Variants in ACOX1 observed in about 807,000 individuals in gnomAD.
ACOX1 encodes the protein acyl-CoA oxidase 1, also known as peroxisomal acyl-coenzyme A oxidase 1.
In ACOX1, 41 loss-of-function variants were observed where a neutral mutation model predicts 75.5. The observed-to-expected ratio is 0.54, with a 90% CI of 0.42 to 0.70. The LOEUF is 0.70. Ranked by LOEUF, ACOX1 falls within the 30% of genes least tolerant of loss-of-function variation. ACOX1 has a pLI of 0.00. For missense variants in ACOX1, 630 were observed against 837.5 expected (o/e 0.75, Z 3.06); for synonymous variants, 303 against 298.8 (o/e 1.01, Z -0.15).
chr17:75,976,697 C>A (rs1334986773), intron 2 of ACOX1, among the ~76,000 whole-genome samples: 1 of 152,156 alleles, frequency 6.6e-6, no homozygotes, highest in Non-Finnish European at 1.5e-5. Flanking sequence ...TAAACCATTT[C>A]ATCTTCACAA....
In ACOX1 at chr17:75,973,388, T is replaced by C. The variant is rs1022514927; in HGVS notation, c.269+5146A>G. 16 of 556,976 alleles carry C rather than the reference T, an allele frequency of 2.9e-5. No homozygotes were observed. In the East Asian group the frequency reaches 5.0e-4, roughly 17 times the overall value. The allele number at this position is 556,976 out of a possible 1,614,324, so 34.5% of individuals were successfully genotyped here. On this transcript the variant is annotated intron_variant, in intron 2 of 13. Transcript: ENST00000293217. ...CCGCTGCACTGTAAACCCCATCTTT[T>C]CAAGCTGTTCAATAATAAAAGGCTT... is the stretch of plus-strand genomic sequence containing the variant.
In ACOX1 at chr17:75,953,600, G is replaced by A. The variant is rs761511141; in HGVS notation, c.795C>T (p.Tyr265=). 6.2e-6 allele frequency: 10 copies of A among 1,614,160 alleles called. No individual in the cohort carries two copies. The South Asian group carries it at 6.6e-5, about 11-fold the overall frequency. ...KYAQVKPDGT[Y]VKPLSNKLTY... ...TCAGCTTGTTACTCAGCGGTTTCAC[G>A]TATGTGCCATCAGGCTTCACCTGGA... Residue 265 remains tyrosine, a synonymous_variant, in exon 7 of 14, where the codon TAC becomes TAT. Transcript: ENST00000293217.
intron 13 of ACOX1, among the ~76,000 whole-genome samples, chr17:75,947,105 A>G (rs564517305): frequency 7.9e-5 from 12 of 152,066 alleles, no homozygotes; most frequent in African/African-American, 2.9e-4. Flanking sequence ...CCTCAATTCA[A>G]GTGATCCACC....
At chr17:75,957,704 C>A in intron 3 of ACOX1, 138 bp from the exon 4 acceptor site, 1 of 649,942 alleles carries the variant, frequency 1.5e-6, no homozygotes, top group Non-Finnish European at 2.7e-6. Context: ...TGTAGATGAG[C>A]TACAACTGGT....
At chr17:75,955,240 G>A (rs2065813256) in intron 6 of ACOX1, among the ~76,000 whole-genome samples, 1 of 151,654 alleles carries the variant, frequency 6.6e-6, no homozygotes, top group Non-Finnish European at 1.5e-5. Context: ...ACAGCTCACT[G>A]TAGCCTCGGC....
intron 3 of ACOX1, among the ~76,000 whole-genome samples, chr17:75,958,773 A>G (rs572399232): frequency 1.3e-4 from 19 of 148,512 alleles, no homozygotes; most frequent in East Asian, 2.0e-4. Context: ...GCGCCACTGC[A>G]CTCCAGCCTG....
At chr17:75,969,255 C>T (rs561174014) in intron 2 of ACOX1, among the ~76,000 whole-genome samples, 86 of 152,312 alleles carry the variant, frequency 5.6e-4, no homozygotes, top group African/African-American at 2.0e-3. Flanking sequence ...CAACTTCCAC[C>T]TCCCAGGTTC....
Position 75,978,846 on chromosome 17 carries a change from G to A in ACOX1, c.109+119C>T, listed in dbSNP as rs374264259. On this transcript the variant is annotated intron_variant, in intron 1 of 13. Coordinates refer to ENST00000293217, the MANE Select transcript of ACOX1 (RefSeq NM_004035.7). This position sits in a 1 kb window ranked among gnomAD's most constrained non-coding sequence, Gnocchi z 4.2. ...ACACAGGCTGTTCCTCGAAGTGGGGGTCCCGGCTCCCCTAACGCTGGGCCA... is the reference window on the plus strand; with the variant it reads ...ACACAGGCTGTTCCTCGAAGTGGGGATCCCGGCTCCCCTAACGCTGGGCCA... 5 of 1,597,388 alleles carry A rather than the reference G, an allele frequency of 3.1e-6. No individual in the cohort carries two copies. The highest frequency in any genetic ancestry group is 1.7e-6 in the Non-Finnish European group (2 of 1,176,166).
intron 4 of ACOX1, among the ~76,000 whole-genome samples, chr17:75,956,560 C>T (rs896404194): frequency 3.3e-5 from 5 of 151,682 alleles, no homozygotes; most frequent in African/African-American, 1.2e-4. Flanking sequence ...TGGTGGCACG[C>T]TCCTGTAGTC....
At chr17:75,958,315 C>T (rs139006482) in intron 3 of ACOX1, among the ~76,000 whole-genome samples, 6,197 of 143,274 alleles carry the variant, frequency 0.043, 217 homozygotes, top group Middle Eastern at 0.11. Flanking sequence ...ATTGTGCCAC[C>T]GCACTCCAGC....
intron 2 of ACOX1, among the ~76,000 whole-genome samples, chr17:75,963,449 C>T (rs1021595439): frequency 6.6e-6 from 1 of 152,036 alleles, no homozygotes; most frequent in Non-Finnish European, 1.5e-5. Flanking sequence ...CACCTGTAAT[C>T]CCAGCACTTT....
chr17:75,978,945 G>C lies in ACOX1; in HGVS notation c.109+20C>G, dbSNP rs750088491. 7 of 1,608,190 alleles carry C rather than the reference G, an allele frequency of 4.4e-6. No homozygotes were observed. In the East Asian group the frequency reaches 1.6e-4, roughly 36 times the overall value. On this transcript the variant is annotated intron_variant, in intron 1 of 13. Coordinates refer to ENST00000293217, the MANE Select transcript of ACOX1 (RefSeq NM_004035.7). The surrounding 1 kb of genome is among the most constrained non-coding windows in gnomAD (Gnocchi z 4.2). ...CAGCTTTTCTCGGGAAAGGAGGGAG[G>C]TCTCGCCCGCCGCCCTCACCGATCT...
intron 13 of ACOX1, 62 bp downstream of exon 13, chr17:75,948,189 C>T (rs747663685): frequency 6.8e-5 from 107 of 1,565,322 alleles, no homozygotes; most frequent in Non-Finnish European, 8.5e-5. Flanking sequence ...TTCGAGAGGC[C>T]TTTCCTGCTT....
chr17:75,947,309 A>G (rs888477086), intron 13 of ACOX1, among the ~76,000 whole-genome samples: 3 of 147,640 alleles, frequency 2.0e-5, no homozygotes, highest in African/African-American at 7.6e-5. Context: ...GTGCAATGGC[A>G]TGGTCTCGGC....
chr17:75,955,217 C>T (rs939496247), intron 6 of ACOX1, among the ~76,000 whole-genome samples: 18 of 151,736 alleles, frequency 1.2e-4, no homozygotes, highest in Non-Finnish European at 8.8e-5. Flanking sequence ...GGCTGGAGTA[C>T]GGTGGCATAA....
chr17:75,949,612 T>C lies in ACOX1; in HGVS notation c.1479-12A>G, dbSNP rs2065755060. On this transcript the variant is annotated splice_polypyrimidine_tract_variant and intron_variant, in intron 10 of 13. Coordinates refer to ENST00000293217, the MANE Select transcript of ACOX1 (RefSeq NM_004035.7). ...CAATTTCTACTAATCTGTTAAGACA[T>C]AGATTGGAGGTCTGAGGAAATGATC... 4.3e-6 allele frequency: 7 copies of C among 1,613,576 alleles called. No homozygotes were observed. Among genetic ancestry groups the C allele is most frequent in the African/African-American group, 4.0e-5 (3 of 75,050 alleles).
chr17:75,969,891 G>A (rs1326229945), intron 2 of ACOX1, among the ~76,000 whole-genome samples: 1 of 152,074 alleles, frequency 6.6e-6, no homozygotes, highest in Admixed American at 6.6e-5. Context: ...GACAGAAAGA[G>A]AGCGAGAAAG....
chr17:75,958,667 GCA>G (rs2065859511), intron 3 of ACOX1, among the ~76,000 whole-genome samples: 1 of 152,080 alleles, frequency 6.6e-6, no homozygotes, highest in Non-Finnish European at 1.5e-5. Context: ...AATTAGCTGG[GCA>G]TGGTGGTGGG....
chr17:75,950,442 C>T lies in ACOX1; in HGVS notation c.1298+332G>A, dbSNP rs560912016. On this transcript the variant is annotated intron_variant, in intron 9 of 13. Transcript: ENST00000293217. The surrounding 1 kb of genome is among the most constrained non-coding windows in gnomAD (Gnocchi z 4.3). ...TTTTTGTATTTTTTTAGTAGAGACA[C>T]GGTTTCACCATGTTGATCAAGCTGG... Among the ~76,000 whole-genome samples, 108 of 152,020 alleles carry T rather than the reference C, an allele frequency of 7.1e-4. No individual in the cohort carries two copies. The highest frequency in any genetic ancestry group is 2.5e-3 in the African/African-American group (102 of 41,462).
Sources: gnomAD v4.1 joint callset for allele counts (sites outside exome capture counted in the v4.1 genomes callset) on GRCh38, gnomAD v4.1.1 for gene constraint, Gnocchi (gnomAD v3.1) non-coding constraint, MANE v1.5 for transcripts, NCBI Gene and HGNC (gene_info 2026-07-23, HGNC 2026-07-21) for gene names.